RBFOX1: variants seen among roughly 807,000 people sequenced by gnomAD.
The protein encoded by RBFOX1 is RNA binding protein fox-1 homolog 1.
RBFOX1 carries 8 observed loss-of-function variants against 57.7 expected under a neutral mutation model. The ratio of observed to expected loss-of-function variants is 0.14; its 90% CI spans 0.08 to 0.25. The LOEUF is 0.25. Among genes scored for constraint, RBFOX1 ranks in the 10% least tolerant of loss-of-function variants. RBFOX1 has a pLI of 1.00. For synonymous variants in RBFOX1, 326 were observed against 222.4 expected, an observed-to-expected ratio of 1.47 and a Z score of -4.15; for missense variants, 611 against 548.5, an observed-to-expected ratio of 1.11 and a Z score of -1.14.
intron 3 of RBFOX1, among the ~76,000 whole-genome samples, chr16:5,613,189 A>G (rs7196755): frequency 0.71 from 107,566 of 152,060 alleles, 38,667 homozygotes; most frequent in East Asian, 0.85. Context: ...ACAGTTGTTG[A>G]CATGGACAAA....
At chr16:6,484,049 A>T in intron 2 of RBFOX1, 1 of 571,744 alleles carries the variant, frequency 1.7e-6, no homozygotes, top group South Asian at 7.5e-5. Flanking sequence ...GAGCCCGGAG[A>T]TGCATCGATT....
chr16:7,075,127 G>C (rs1365668723), intron 4 of RBFOX1, among the ~76,000 whole-genome samples: 2 of 152,226 alleles, frequency 1.3e-5, no homozygotes, highest in African/African-American at 2.4e-5. Flanking sequence ...ATGGGGCTGA[G>C]GCTGTGCAGT....
intron 3 of RBFOX1, among the ~76,000 whole-genome samples, chr16:6,678,165 C>G (rs1213156636): frequency 6.6e-6 from 1 of 152,174 alleles, no homozygotes; most frequent in Non-Finnish European, 1.5e-5. Flanking sequence ...GCTCTGTCGC[C>G]CAGGCTGGAG....
At chr16:5,431,816 C>G (rs1406578327) in intron 1 of RBFOX1, among the ~76,000 whole-genome samples, 1 of 152,154 alleles carries the variant, frequency 6.6e-6, no homozygotes, top group Non-Finnish European at 1.5e-5. Flanking sequence ...CTCACAACAC[C>G]CAGTGCTGTT....
chr16:6,077,550 T>C (rs566661844), intron 1 of RBFOX1, among the ~76,000 whole-genome samples: 2 of 152,202 alleles, frequency 1.3e-5, no homozygotes, highest in African/African-American at 4.8e-5. Flanking sequence ...AAGATGATGG[T>C]TTCTATGGAA....
intron 3 of RBFOX1, among the ~76,000 whole-genome samples, chr16:6,660,143 G>C (rs1170677144): frequency 6.6e-6 from 1 of 151,480 alleles, no homozygotes; most frequent in African/African-American, 2.4e-5. Context: ...AGAATTGCTT[G>C]AACCTGGGAG....
chr16:7,398,513 A>G (rs1032833007), intron 4 of RBFOX1, among the ~76,000 whole-genome samples: 1 of 152,246 alleles, frequency 6.6e-6, no homozygotes, highest in Non-Finnish European at 1.5e-5. Context: ...TGGAGAACCC[A>G]GAAAACAGAA....
intron 2 of RBFOX1, among the ~76,000 whole-genome samples, chr16:5,567,747 T>C (rs954754805): frequency 4.0e-5 from 6 of 151,300 alleles, no homozygotes; most frequent in Admixed American, 4.0e-4. Context: ...AACATTGTCA[T>C]TACCATCATC....
chr16:7,371,787 T>C (rs2097571287), intron 4 of RBFOX1, among the ~76,000 whole-genome samples: 1 of 152,166 alleles, frequency 6.6e-6, no homozygotes, highest in Non-Finnish European at 1.5e-5. Context: ...ATATGATACA[T>C]ACATGTGCAT....
intron 3 of RBFOX1, among the ~76,000 whole-genome samples, chr16:5,801,841 G>C (rs1026652137): frequency 6.6e-6 from 1 of 152,150 alleles, no homozygotes; most frequent in African/African-American, 2.4e-5. Flanking sequence ...TTAAAAATCA[G>C]AATGTTCAGT....
At chr16:5,858,437 C>G (rs1179023901) in intron 3 of RBFOX1, among the ~76,000 whole-genome samples, 5 of 152,204 alleles carry the variant, frequency 3.3e-5, no homozygotes, top group African/African-American at 1.2e-4. Context: ...AGACCAACTT[C>G]AAGGGCAAAC....
intron 2 of RBFOX1, among the ~76,000 whole-genome samples, chr16:6,425,011 T>A (rs185957907): frequency 6.6e-5 from 10 of 152,356 alleles, no homozygotes; most frequent in African/African-American, 2.4e-4. Context: ...ACTTGGATAT[T>A]GAAGATGTGG....
At chr16:7,709,655 TTG>T in intron 15 of RBFOX1, 2 of 1,519,900 alleles carry the variant, frequency 1.3e-6, no homozygotes, top group East Asian at 2.5e-5. Flanking sequence ...GGGGCACACT[TTG>T]TGTGTGTACC....
chr16:5,679,145 G>C (rs1220578544), intron 3 of RBFOX1, among the ~76,000 whole-genome samples: 1 of 152,210 alleles, frequency 6.6e-6, no homozygotes. Context: ...AAACCAGGCA[G>C]AGTACCCTGG....
At chr16:5,453,667 C>G (rs1355272142) in intron 1 of RBFOX1, among the ~76,000 whole-genome samples, 1 of 152,174 alleles carries the variant, frequency 6.6e-6, no homozygotes, top group Non-Finnish European at 1.5e-5. Context: ...GTAATGGCAT[C>G]CAAAGCACAG....
At chr16:5,259,572 T>A (rs1448348535) in intron 1 of RBFOX1, among the ~76,000 whole-genome samples, 6 of 152,178 alleles carry the variant, frequency 3.9e-5, no homozygotes, top group Non-Finnish European at 7.3e-5. Context: ...GGGTGCTCAG[T>A]GGAACAGGTG....
In RBFOX1 at chr16:6,744,252, C is replaced by G. The variant is rs2073034230; in HGVS notation, c.-16+89602C>G. Among the ~76,000 whole-genome samples, 3 of 152,118 alleles carry G rather than the reference C, an allele frequency of 2.0e-5. No individual in the cohort carries two copies. The South Asian group carries it at 6.2e-4, about 32-fold the overall frequency. ...CTGTTGGAACTGGAAGGAGAAATAG[C>G]CAAATATTTCAGTGCTAGTCTCTCA... is the stretch of plus-strand genomic sequence containing the variant. On this transcript the variant is annotated intron_variant, in intron 3 of 15. Coordinates refer to ENST00000550418, the MANE Select transcript of RBFOX1 (RefSeq NM_018723.4).
At chr16:6,665,525 T>G (rs991880018) in intron 3 of RBFOX1, among the ~76,000 whole-genome samples, 1 of 151,696 alleles carries the variant, frequency 6.6e-6, no homozygotes, top group African/African-American at 2.4e-5. Context: ...CTTGGGAGGC[T>G]GAGGTAGGAG....
At chr16:6,778,755 T>C (rs913287680) in intron 3 of RBFOX1, among the ~76,000 whole-genome samples, 6 of 152,102 alleles carry the variant, frequency 3.9e-5, no homozygotes, top group African/African-American at 1.4e-4. Context: ...AATATGATTG[T>C]GAATTTTCTT....
Sources: gnomAD v4.1 joint callset for allele counts (sites outside exome capture counted in the v4.1 genomes callset) on GRCh38, gnomAD v4.1.1 for gene constraint, MANE v1.5 for transcripts, NCBI Gene and HGNC (gene_info 2026-07-23, HGNC 2026-07-21) for gene names.